TTF2: variants seen among roughly 807,000 people sequenced by gnomAD.
TTF2 encodes the protein RNA polymerase II termination factor.
In TTF2, 108 loss-of-function variants were observed where a neutral mutation model predicts 142.4. The observed-to-expected ratio is 0.76, with a 90% CI of 0.65 to 0.89. The LOEUF (loss-of-function observed/expected upper bound fraction) is 0.89, where lower values mean the gene tolerates loss of function less well. TTF2 is among the 40% of genes least tolerant of loss of function. The probability of loss-of-function intolerance (pLI) is 0.00; values close to 1 mark genes in which losing one functional copy is unlikely to be tolerated. For missense variants in TTF2, 1,327 were observed against 1,379.8 expected, an observed-to-expected ratio of 0.96 and a Z score of 0.61; for synonymous variants, 483 against 506.2, an observed-to-expected ratio of 0.95 and a Z score of 0.61.
rs1404181361 is a variant in TTF2, at chr1:117,092,818, G to A, written c.2893G>A (p.Asp965Asn). 8 of 1,614,074 alleles carry A rather than the reference G, an allele frequency of 5.0e-6. No homozygotes were observed. Reference sequence around the variant, plus strand: ...TGCTTTGACCTTGTCAGAACTCCGTGACTCAGAGCCATCTTCCACTGTTTC... The same window carrying A: ...TGCTTTGACCTTGTCAGAACTCCGTAACTCAGAGCCATCTTCCACTGTTTC... ...LSALTLSELRDSEPSSTVSLN... is the reference protein window; with the variant it reads ...LSALTLSELRNSEPSSTVSLN... Residue 965 changes from aspartate (D) to asparagine (N), a missense_variant, in exon 18 of 23, where the codon GAC becomes AAC. Asp to Asn is a conservative substitution (Grantham distance 23). Coordinates refer to ENST00000369466, the MANE Select transcript of TTF2 (RefSeq NM_003594.4). This position sits in a 1 kb window ranked among gnomAD's most constrained non-coding sequence, Gnocchi z 4.4.
intron 3 of TTF2, among the ~76,000 whole-genome samples, chr1:117,071,365 T>C (rs1191412789): frequency 1.3e-5 from 2 of 151,988 alleles, no homozygotes; most frequent in African/African-American, 4.8e-5. Context: ...TATGTTATTA[T>C]AGAAAAATTT....
rs1648823401 is a variant in TTF2, at chr1:117,093,754, T to C, written c.2976+853T>C. ...ATGCTAGTGCCTTCAGAGTGAGCTA[T>C]TGGGCTAAAATTTAAATTCCTAATC... On this transcript the variant is annotated intron_variant, in intron 18 of 22. Coordinates refer to ENST00000369466, the MANE Select transcript of TTF2 (RefSeq NM_003594.4). The surrounding 1 kb of genome is among the most constrained non-coding windows in gnomAD (Gnocchi z 4.5). 6.6e-6 allele frequency among the ~76,000 whole-genome samples: 1 copy of C among 152,228 alleles called. No individual in the cohort carries two copies.
chr1:117,081,822 T>A lies in TTF2; in HGVS notation c.1784-6T>A. 15 of 1,610,510 alleles carry A rather than the reference T, an allele frequency of 9.3e-6. No individual in the cohort carries two copies. The highest frequency in any genetic ancestry group is 1.3e-5 in the Non-Finnish European group (15 of 1,178,632). ...TAACTCTCTTAATTTTGCTTTTATT[T>A]TCTAGCAGATGATATGGGCTTAGGA... On this transcript the variant is annotated splice_polypyrimidine_tract_variant and splice_region_variant and intron_variant, in intron 9 of 22. Transcript: ENST00000369466.
chr1:117,096,507 A>G (rs1406671978), intron 20 of TTF2, among the ~76,000 whole-genome samples: 1 of 152,148 alleles, frequency 6.6e-6, no homozygotes, highest in Non-Finnish European at 1.5e-5. Context: ...CCTTTCAAGT[A>G]GCTGGGATTA....
rs953897056 is a variant in TTF2, at chr1:117,079,329, G to T, written c.1702-239G>T. ...GGACTCTCACTTGGGGTGTAGGGGG[G>T]ACTCTTAATAGAAATGCTGAACATT... On this transcript the variant is annotated intron_variant, in intron 8 of 22. Coordinates refer to ENST00000369466, the MANE Select transcript of TTF2 (RefSeq NM_003594.4). This position sits in a 1 kb window ranked among gnomAD's most constrained non-coding sequence, Gnocchi z 4.2. 1.3e-5 allele frequency among the ~76,000 whole-genome samples: 2 copies of T among 152,154 alleles called. No homozygotes were observed. The highest frequency in any genetic ancestry group is 4.8e-5 in the African/African-American group (2 of 41,438).
In TTF2 at chr1:117,086,137, T is replaced by C. The variant is rs1017325130; in HGVS notation, c.2055-280T>C. 2.6e-5 allele frequency among the ~76,000 whole-genome samples: 4 copies of C among 152,214 alleles called. No homozygotes were observed. The highest frequency in any genetic ancestry group is 4.4e-5 in the Non-Finnish European group (3 of 68,040). ...ATTATCCCAGCCAGAGAATTTTCTTTCTGACTCACTGGATGGTAAGAGGGA... is the reference window on the plus strand; with the variant it reads ...ATTATCCCAGCCAGAGAATTTTCTTCCTGACTCACTGGATGGTAAGAGGGA... On this transcript the variant is annotated intron_variant, in intron 11 of 22. Transcript: ENST00000369466. The surrounding 1 kb of genome is among the most constrained non-coding windows in gnomAD (Gnocchi z 4.2).
intron 13 of TTF2, 79 bp downstream of exon 13, chr1:117,089,061 C>A: frequency 6.9e-7 from 1 of 1,442,506 alleles, no homozygotes; most frequent in Non-Finnish European, 9.3e-7. Flanking sequence ...CATAATAAAG[C>A]CTTAGTATGT....
chr1:117,076,295 G>C lies in TTF2; in HGVS notation c.1390+1G>C. On this transcript the variant is annotated splice_donor_variant, in intron 6 of 22. Coordinates refer to ENST00000369466, the MANE Select transcript of TTF2 (RefSeq NM_003594.4). LOFTEE classifies it high-confidence loss of function. The surrounding 1 kb of genome is among the most constrained non-coding windows in gnomAD (Gnocchi z 4.6). ...GGTCTTACCCTTTCCCCAGAGCAAG[G>C]TAAAGTGGCTTATGCCTCAGAACTC... 6.2e-7 allele frequency: 1 copy of C among 1,612,724 alleles called. No homozygotes were observed. The highest frequency in any genetic ancestry group is 8.5e-7 in the Non-Finnish European group (1 of 1,179,316).
chr1:117,079,769 T>TC lies in TTF2; in HGVS notation c.1783+120_1783+121insC. ...ATGAGGCAGGTACTATTATTCCTCATTTTACAGATGATGAAAGTGAAGCAT... is the reference window on the plus strand; with the variant it reads ...ATGAGGCAGGTACTATTATTCCTCATCTTTACAGATGATGAAAGTGAAGCAT... On this transcript the variant is annotated intron_variant, in intron 9 of 22. Transcript: ENST00000369466. This position sits in a 1 kb window ranked among gnomAD's most constrained non-coding sequence, Gnocchi z 4.2. 2.1e-6 allele frequency: 2 copies of TC among 931,774 alleles called. No individual in the cohort carries two copies. Among genetic ancestry groups the TC allele is most frequent in the Non-Finnish European group, 1.7e-6 (1 of 595,504 alleles). The allele number at this position is 931,774 out of a possible 1,614,324, so 57.7% of individuals were successfully genotyped here.
rs768724159 is a variant in TTF2, at chr1:117,076,783, C to CT, written c.1534dup (p.Cys512LeufsTer30). ...TGGGTTCTCTAGAACTAAAGTCTGC[C>CT]TGCCAGGTGACTGCTGGAGGATCCA... On this transcript the variant is annotated frameshift_variant, in exon 7 of 23. Transcript: ENST00000369466. LOFTEE classifies it high-confidence loss of function. The surrounding 1 kb of genome is among the most constrained non-coding windows in gnomAD (Gnocchi z 4.6). 6.2e-7 allele frequency: 1 copy of CT among 1,613,956 alleles called. No homozygotes were observed. Among genetic ancestry groups the CT allele is most frequent in the African/African-American group, 1.3e-5 (1 of 74,910 alleles).
At chr1:117,095,024 G>A (rs1005202553) in intron 18 of TTF2, among the ~76,000 whole-genome samples, 39 of 152,192 alleles carry the variant, frequency 2.6e-4, no homozygotes, top group Admixed American at 1.2e-3. Context: ...GGTGAGAAAC[G>A]AACCCAGAGA....
Position 117,076,100 on chromosome 1 carries a change from T to C in TTF2, c.1276-80T>C, listed in dbSNP as rs1289672. ...AAAGACCATAATTTCAGAGTTTGGG[T>C]GTTTCAGGCTATTTTAATCTGAAAC... On this transcript the variant is annotated intron_variant, in intron 5 of 22. Transcript: ENST00000369466. The surrounding 1 kb of genome is among the most constrained non-coding windows in gnomAD (Gnocchi z 4.6). The C allele has an allele frequency of 1, 1,385,505 of 1,388,298 alleles. 691,386 individuals are homozygous for C. Among genetic ancestry groups the C allele is most frequent in the East Asian group, 1 (43,392 of 43,392 alleles). 86.0% of individuals were successfully genotyped at this position (1,388,298 alleles called of 1,614,324 possible). A position where few individuals can be genotyped will look rare whatever the true frequency, so the allele number is the denominator to read the frequency against.
At position 117,082,913 on chromosome 1, in the gene TTF2, T is replaced by C. The variant is rs147005253; in HGVS notation, c.1903+966T>C. On this transcript the variant is annotated intron_variant, in intron 10 of 22. Transcript: ENST00000369466. ...AGACAACACTACATGTAAGTTGCCA[T>C]GTATTCAAGTACAGCTCTCAGTTGC... Among the ~76,000 whole-genome samples, 550 of 152,316 alleles carry C rather than the reference T, an allele frequency of 3.6e-3. 3 individuals carry two copies. The highest frequency in any genetic ancestry group is 0.013 in the African/African-American group (530 of 41,558).
chr1:117,078,885 T>G (rs1329324100), intron 8 of TTF2, among the ~76,000 whole-genome samples: 2 of 152,032 alleles, frequency 1.3e-5, no homozygotes, highest in African/African-American at 4.8e-5. Flanking sequence ...ATTTAAGAGA[T>G]AATGAGGAAA....
intron 12 of TTF2, 150 bp from the exon 13 acceptor site, chr1:117,088,651 G>A: frequency 1.4e-6 from 1 of 700,768 alleles, no homozygotes; most frequent in South Asian, 2.6e-5. Flanking sequence ...TTACTCTTGG[G>A]TTTCTTAATT....
chr1:117,100,530 C>T lies in TTF2; in HGVS notation c.3345-850C>T, dbSNP rs1391251652. On this transcript the variant is annotated intron_variant, in intron 22 of 22. Transcript: ENST00000369466. The surrounding 1 kb of genome is among the most constrained non-coding windows in gnomAD (Gnocchi z 4.6). The stretch of plus-strand genomic sequence containing the variant: ...TCTTAGCATGACATGCACCACCACC[C>T]GTGATCTGGCCCTACCAGCCTCTTG... Among the ~76,000 whole-genome samples the T allele has an allele frequency of 3.3e-5, 5 of 152,174 alleles. No homozygotes were observed. The highest frequency in any genetic ancestry group is 3.3e-4 in the Admixed American group (5 of 15,272).
intron 4 of TTF2, 91 bp from the exon 5 acceptor site, chr1:117,074,779 A>G: frequency 1.6e-6 from 2 of 1,243,382 alleles, no homozygotes; most frequent in Non-Finnish European, 2.2e-6. Flanking sequence ...CCCCCTGTAT[A>G]TAAAATAAAA....
In TTF2 at chr1:117,086,436, G is replaced by A. The variant is rs186469678; in HGVS notation, c.2074G>A (p.Val692Met). The A allele has an allele frequency of 3.2e-5, 52 of 1,613,828 alleles. No homozygotes were observed. The highest frequency in any genetic ancestry group is 1.0e-4 in the Admixed American group (6 of 60,010). The change falls in exon 12 of 23, where the codon GTG (valine) becomes ATG (methionine). Residue 692 changes from valine (V) to methionine (M), a missense_variant. Coordinates refer to ENST00000369466, the MANE Select transcript of TTF2 (RefSeq NM_003594.4). The surrounding 1 kb of genome is among the most constrained non-coding windows in gnomAD (Gnocchi z 4.2). The stretch of plus-strand genomic sequence containing the variant: ...ACGCAGCCTCTCTACATATGACATC[G>A]TGATCACTACCTATAGCCTCGTGGC... ...RARVLSTYDI[V>M]ITTYSLVAKE...
At chr1:117,062,276 A>G (rs1467789928) in intron 2 of TTF2, 111 bp from the exon 3 acceptor site, 3 of 911,426 alleles carry the variant, frequency 3.3e-6, no homozygotes, top group East Asian at 2.6e-5. Context: ...CAAACCCAGT[A>G]GAGGTTATAC....
Sources: gnomAD v4.1 joint callset for allele counts (sites outside exome capture counted in the v4.1 genomes callset) on GRCh38, gnomAD v4.1.1 for gene constraint, Gnocchi (gnomAD v3.1) non-coding constraint, MANE v1.5 for transcripts, NCBI Gene and HGNC (gene_info 2026-07-23, HGNC 2026-07-21) for gene names.